EYS: variants seen among roughly 807,000 people sequenced by gnomAD.
EYS encodes EGF-like photoreceptor maintenance factor.
In EYS, 250 loss-of-function variants were observed where a neutral mutation model predicts 282.1. The ratio of observed to expected loss-of-function variants is 0.89; its 90% confidence interval spans 0.80 to 0.98. The LOEUF is 0.98. Ranked by LOEUF, EYS falls within the 50% of genes least tolerant of loss-of-function variation. The pLI, the probability that EYS is intolerant of heterozygous loss-of-function variation, is 0.00. For missense variants in EYS, 4,016 were observed against 3,709.0 expected, an observed-to-expected ratio of 1.08 and a Z score of -2.15; for synonymous variants, 1,355 against 1,282.9, an observed-to-expected ratio of 1.06 and a Z score of -1.20.
At chr6:63,770,391 C>G (rs1462212575) in intron 40 of EYS, among the ~76,000 whole-genome samples, 2 of 152,010 alleles carry the variant, frequency 1.3e-5, no homozygotes, top group Non-Finnish European at 2.9e-5. Context: ...TTACCTTGAG[C>G]TGGATCTGTA....
chr6:65,454,390 T>C (rs1764525067), intron 5 of EYS, among the ~76,000 whole-genome samples: 1 of 152,014 alleles, frequency 6.6e-6, no homozygotes, highest in African/African-American at 2.4e-5. Flanking sequence ...ATTTCTTATA[T>C]ATTCTGAATA....
chr6:65,644,018 T>C (rs1018959161), intron 1 of EYS, among the ~76,000 whole-genome samples: 1 of 152,002 alleles, frequency 6.6e-6, no homozygotes, highest in Admixed American at 6.6e-5. Context: ...CAAGGTTTTT[T>C]AACACCCTTA....
chr6:64,440,316 T>TA (rs1774897575), intron 26 of EYS, among the ~76,000 whole-genome samples: 1 of 152,082 alleles, frequency 6.6e-6, no homozygotes, highest in South Asian at 2.1e-4. Flanking sequence ...AATGATGCTT[T>TA]AGAATTACTC....
rs772989862 is a variant in EYS, at chr6:65,405,277, T to G, written c.953A>C (p.Tyr318Ser). ...ICPNSSSAYTYECPKGSSSQN... is the reference protein window; with the variant it reads ...ICPNSSSAYTSECPKGSSSQN... ...GCTGGAAGATCCTTTTGGGCATTCA[T>G]AAGTATAAGCAGAACTGCTATTTGG... is the stretch of plus-strand genomic sequence containing the variant. Residue 318 changes from tyrosine (Y) to serine (S), a missense_variant, in exon 6 of 43, where the codon TAT becomes TCT. Coordinates refer to ENST00000503581, the MANE Select transcript of EYS (RefSeq NM_001142800.2). The G allele has an allele frequency of 5.6e-6, 9 of 1,612,934 alleles. No individual in the cohort carries two copies. In the East Asian group the frequency reaches 6.7e-5, roughly 12 times the overall value.
At chr6:63,980,799 CAG>C (rs1471544226) in intron 35 of EYS, among the ~76,000 whole-genome samples, 1 of 151,918 alleles carries the variant, frequency 6.6e-6, no homozygotes, top group African/African-American at 2.4e-5. Flanking sequence ...GGGAAAAAAA[CAG>C]AGCCAAAGGA....
At chr6:64,843,507 T>C (rs1479479793) in intron 19 of EYS, among the ~76,000 whole-genome samples, 4 of 152,168 alleles carry the variant, frequency 2.6e-5, no homozygotes, top group African/African-American at 9.6e-5. Flanking sequence ...CAAAGGAGAT[T>C]ATTTTGTAGC....
intron 12 of EYS, among the ~76,000 whole-genome samples, chr6:65,084,171 A>G (rs930645627): frequency 6.6e-6 from 1 of 152,058 alleles, no homozygotes; most frequent in Non-Finnish European, 1.5e-5. Context: ...ATCACTCAAA[A>G]GGTTCTCTAA....
chr6:64,144,490 G>C (rs1774445679), intron 31 of EYS, among the ~76,000 whole-genome samples: 3 of 152,166 alleles, frequency 2.0e-5, no homozygotes, highest in East Asian at 1.9e-4. Context: ...GAGGCCCAGA[G>C]TGTGCTTGGA....
intron 12 of EYS, among the ~76,000 whole-genome samples, chr6:65,161,948 A>C (rs1240687122): frequency 1.3e-5 from 2 of 151,236 alleles, no homozygotes; most frequent in African/African-American, 4.8e-5. Flanking sequence ...CATGGTCCAT[A>C]ACCTCAAGTA....
At chr6:63,756,236 C>T (rs978778136) in intron 41 of EYS, among the ~76,000 whole-genome samples, 8 of 152,240 alleles carry the variant, frequency 5.3e-5, no homozygotes, top group East Asian at 1.9e-4. Context: ...CCAGTTTTTG[C>T]CCATTCAGTA....
At chr6:64,496,816 A>G (rs1048080365) in intron 26 of EYS, among the ~76,000 whole-genome samples, 4 of 152,050 alleles carry the variant, frequency 2.6e-5, no homozygotes, top group Admixed American at 2.6e-4. Flanking sequence ...ATTAGTTTCA[A>G]ATTTTTAGTT....
intron 13 of EYS, among the ~76,000 whole-genome samples, chr6:65,028,551 A>G (rs182857322): frequency 1.3e-5 from 2 of 152,158 alleles, no homozygotes; most frequent in Admixed American, 1.3e-4. Context: ...TTTTCACATA[A>G]TAGTCTAGTA....
rs142225461 is a variant in EYS at position 63,925,076 on chromosome 6, T to G, written c.7055+59307A>C. Among the ~76,000 whole-genome samples the G allele has an allele frequency of 5.3e-5, 8 of 152,306 alleles. No individual in the cohort carries two copies. In the East Asian group the frequency reaches 1.5e-3, roughly 29 times the overall value. ...ATAATAATTTATATGCTGGACATCT[T>G]TGGGCAACTTAATCTTCTGAGCCTC... On this transcript the variant is annotated intron_variant, in intron 35 of 42. Coordinates refer to ENST00000503581, the MANE Select transcript of EYS (RefSeq NM_001142800.2).
At chr6:64,990,871 T>C (rs1254954122) in intron 14 of EYS, among the ~76,000 whole-genome samples, 3 of 151,610 alleles carry the variant, frequency 2.0e-5, no homozygotes, top group Non-Finnish European at 1.5e-5. Flanking sequence ...AACAAGTCTT[T>C]TTCTCAGGTT....
chr6:65,091,794 G>A (rs1381380772), intron 12 of EYS, among the ~76,000 whole-genome samples: 3 of 152,044 alleles, frequency 2.0e-5, no homozygotes, highest in Non-Finnish European at 4.4e-5. Context: ...TTACATTTAT[G>A]TAGCCATTCG....
At chr6:65,537,247 G>A (rs184776284) in intron 2 of EYS, among the ~76,000 whole-genome samples, 23 of 152,188 alleles carry the variant, frequency 1.5e-4, no homozygotes, top group Admixed American at 1.3e-3. Context: ...ACCTAATGTA[G>A]ATGATGGGTT....
intron 35 of EYS, among the ~76,000 whole-genome samples, chr6:63,971,899 T>C (rs891982578): frequency 2.0e-5 from 3 of 152,188 alleles, no homozygotes; most frequent in African/African-American, 7.2e-5. Flanking sequence ...GTAAGTTAGG[T>C]GAGATATGAA....
intron 12 of EYS, among the ~76,000 whole-genome samples, chr6:65,141,677 A>G (rs969233363): frequency 1.6e-4 from 25 of 151,516 alleles, no homozygotes; most frequent in Middle Eastern, 3.2e-3. Context: ...CTATCTATCT[A>G]TCTATCTATC....
chr6:65,055,056 A>G (rs1773373953), intron 13 of EYS, among the ~76,000 whole-genome samples: 1 of 152,012 alleles, frequency 6.6e-6, no homozygotes, highest in African/African-American at 2.4e-5. Flanking sequence ...ATAATAATTC[A>G]CAGAAGCCTC....
Sources: gnomAD v4.1 joint callset for allele counts (sites outside exome capture counted in the v4.1 genomes callset) on GRCh38, gnomAD v4.1.1 for gene constraint, MANE v1.5 for transcripts, NCBI Gene and HGNC (gene_info 2026-07-23, HGNC 2026-07-21) for gene names.